CDK12: variants seen among roughly 807,000 people sequenced by gnomAD.
The protein encoded by CDK12 is cyclin-dependent kinase 12.
CDK12 carries 17 observed loss-of-function variants against 133.8 expected under a neutral mutation model. That is an observed-to-expected ratio of 0.13 (90% CI 0.09 to 0.19). The LOEUF is 0.19. Among genes scored for constraint, CDK12 ranks in the 10% least tolerant of loss-of-function variants. The pLI, the probability that CDK12 is intolerant of heterozygous loss-of-function variation, is 1.00. For missense variants in CDK12, 1,508 were observed against 1,818.7 expected (o/e 0.83, Z 3.11); for synonymous variants, 694 against 683.6 (o/e 1.02, Z -0.24).
At chr17:39,465,579 C>T (rs979130533) in intron 1 of CDK12, among the ~76,000 whole-genome samples, 3 of 151,808 alleles carry the variant, frequency 2.0e-5, no homozygotes, top group Non-Finnish European at 4.4e-5. Flanking sequence ...CTCTGCCTCT[C>T]GGGTTCAAGC....
At chr17:39,538,904 A>AATAAATAAATAC (rs778096927), downstream of CDK12, among the ~76,000 whole-genome samples, 8 of 144,886 alleles carry the variant, frequency 5.5e-5, no homozygotes, top group African/African-American at 1.3e-4. Flanking sequence ...ATCTCAAATA[A>AATAAATAAATAC]ATACATACAT....
At chr17:39,463,304 T>A (rs1010091185) in intron 1 of CDK12, among the ~76,000 whole-genome samples, 187 bp downstream of exon 1, 5 of 152,176 alleles carry the variant, frequency 3.3e-5, no homozygotes, top group African/African-American at 9.7e-5. Flanking sequence ...GAAGAGTACA[T>A]AGGCCTCAAA....
intron 1 of CDK12, among the ~76,000 whole-genome samples, chr17:39,542,159 A>ATGTG (rs1555584182): frequency 2.2e-5 from 2 of 89,858 alleles, no homozygotes; most frequent in African/African-American, 6.0e-5. Flanking sequence ...ACATATATAT[A>ATGTG]TGTGTGTGTG....
chr17:39,526,358 T>C, intron 13 of CDK12, 42 bp downstream of exon 13: 1 of 1,423,250 alleles, frequency 7.0e-7, no homozygotes, highest in Non-Finnish European at 9.5e-7. Flanking sequence ...TCAGGTGCTG[T>C]TGATACCCTC....
At chr17:39,483,802 G>A (rs2050911769) in intron 2 of CDK12, among the ~76,000 whole-genome samples, 1 of 151,176 alleles carries the variant, frequency 6.6e-6, no homozygotes, top group Admixed American at 6.6e-5. Context: ...GTACAGGCGT[G>A]AGCCACCACC....
intron 2 of CDK12, among the ~76,000 whole-genome samples, chr17:39,487,607 A>ATTT (rs887590343): frequency 3.1e-4 from 30 of 96,364 alleles, no homozygotes; most frequent in Non-Finnish European, 4.1e-4. Flanking sequence ...GCATGACACA[A>ATTT]TTTTTTTTTT....
At chr17:39,479,073 C>G (rs1185698350) in intron 2 of CDK12, among the ~76,000 whole-genome samples, 2 of 152,026 alleles carry the variant, frequency 1.3e-5, no homozygotes, top group Admixed American at 1.3e-4. Context: ...CTTTGGAAGG[C>G]TGAGGCGGGC....
Position 39,521,223 on chromosome 17 carries a change from C to T in CDK12, c.3095+1136C>T, listed in dbSNP as rs926576833. Among the ~76,000 whole-genome samples the T allele has an allele frequency of 7.9e-5, 12 of 152,066 alleles. 1 individual carries two copies. Among genetic ancestry groups the T allele is most frequent in the Admixed American group, 5.9e-4 (9 of 15,262 alleles). On this transcript the variant is annotated intron_variant, in intron 11 of 13. Coordinates refer to ENST00000447079, the MANE Select transcript of CDK12 (RefSeq NM_016507.4). ...CTTGAACTCCTGCCCATCTTGGCCT[C>T]TCAAAGTGCTGGGATCACAGGTGTG...
In CDK12 at chr17:39,524,786, A is replaced by G. The variant is rs777282469; in HGVS notation, c.3208A>G (p.Thr1070Ala). 7 of 1,614,128 alleles carry G rather than the reference A, an allele frequency of 4.3e-6. No individual in the cohort carries two copies. The highest frequency in any genetic ancestry group is 2.2e-5 in the East Asian group (1 of 44,900). The change falls in exon 12 of 14, where the codon ACT becomes GCT. Residue 1070 changes from threonine to alanine, a missense_variant. Physicochemically the swap from Thr to Ala is moderately conservative, Grantham distance 58. Around this residue, in one of 9 missense-constraint regions of CDK12, gnomAD observed 399 missense variants for 469.6 expected, o/e 0.85. Coordinates refer to ENST00000447079, the MANE Select transcript of CDK12 (RefSeq NM_016507.4). ...PPPSKTSRKETTSGTSTEPVK... is the reference protein window; with the variant it reads ...PPPSKTSRKEATSGTSTEPVK... ...TCCATCCAAAACTTCTCGAAAAGAA[A>G]CTACCTCAGGGACAAGTACTGAGCC... is the stretch of plus-strand genomic sequence containing the variant.
intron 5 of CDK12, 87 bp from the exon 6 acceptor site, chr17:39,501,163 C>G (rs1267951266): frequency 1.0e-6 from 1 of 958,944 alleles, no homozygotes; most frequent in East Asian, 2.7e-5. Flanking sequence ...CTGTGGTCAA[C>G]TCCAAAATTA....
At chr17:39,537,473 A>G (rs1011120074), downstream of CDK12, among the ~76,000 whole-genome samples, 3 of 152,168 alleles carry the variant, frequency 2.0e-5, no homozygotes, top group Admixed American at 6.5e-5. Context: ...GGTGGAAATA[A>G]GGGTAAGAAG....
chr17:39,492,951 T>G lies in CDK12; in HGVS notation c.2248+61T>G, dbSNP rs183044185. The G allele has an allele frequency of 5.3e-5, 72 of 1,367,696 alleles. No homozygotes were observed. The African/African-American group carries it at 8.7e-4, about 16-fold the overall frequency. 84.7% of individuals were successfully genotyped at this position (1,367,696 alleles called of 1,614,324 possible). A position where few individuals can be genotyped will look rare whatever the true frequency, so the allele number is the denominator to read the frequency against. ...TTAACAATTTAGCAATACTAATATC[T>G]TAAGTGGATTTAGCAAAAGTAAATT... is the stretch of plus-strand genomic sequence containing the variant. On this transcript the variant is annotated intron_variant, in intron 4 of 13. Transcript: ENST00000447079.
chr17:39,508,387 G>A (rs2053268621), intron 6 of CDK12, among the ~76,000 whole-genome samples: 1 of 152,090 alleles, frequency 6.6e-6, no homozygotes, highest in Non-Finnish European at 1.5e-5. Context: ...CAGGTTACAT[G>A]AATTTAGATA....
At chr17:39,555,410 C>T (rs1047075953) in intron 2 of CDK12, among the ~76,000 whole-genome samples, 1 of 151,792 alleles carries the variant, frequency 6.6e-6, no homozygotes, top group African/African-American at 2.4e-5. Context: ...GGATGAGGGA[C>T]CTCTGCCCAC....
chr17:39,466,988 TA>T (rs2049380613), intron 1 of CDK12, among the ~76,000 whole-genome samples: 1 of 152,058 alleles, frequency 6.6e-6, no homozygotes, highest in Non-Finnish European at 1.5e-5. Flanking sequence ...TATTTTATTT[TA>T]TTTTTTTAAT....
chr17:39,474,888 C>T (rs143623972), intron 2 of CDK12, among the ~76,000 whole-genome samples: 77 of 145,624 alleles, frequency 5.3e-4, no homozygotes, highest in African/African-American at 1.9e-3. Flanking sequence ...GGCTGGAGTG[C>T]AATGGCGCGA....
intron 1 of CDK12, among the ~76,000 whole-genome samples, chr17:39,470,133 C>T (rs200748619): frequency 1.1e-4 from 16 of 148,412 alleles, no homozygotes; most frequent in African/African-American, 4.0e-4. Flanking sequence ...TTAGTTTAAT[C>T]TATTTTTTTT....
upstream of CDK12, among the ~76,000 whole-genome samples, chr17:39,547,129 ATTTTTTTTTT>A (rs34569985): frequency 6.6e-5 from 6 of 90,610 alleles, no homozygotes; most frequent in Non-Finnish European, 8.3e-5. Context: ...GAGTACTAGG[ATTTTTTTTTT>A]TTTTTTTTTT....
rs1207871925 is a variant in CDK12 at position 39,490,469 on chromosome 17, T to C, written c.1932-88T>C. ...CTTAAAAATTAGATCTTTCTAACCT[T>C]TTCGTAACCAGGCATTATGATCTTT... On this transcript the variant is annotated intron_variant, in intron 2 of 13. Coordinates refer to ENST00000447079, the MANE Select transcript of CDK12 (RefSeq NM_016507.4). 6.9e-6 allele frequency: 6 copies of C among 864,064 alleles called. No homozygotes were observed. In the East Asian group the frequency reaches 1.6e-4, roughly 23 times the overall value. The allele number at this position is 864,064 out of a possible 1,614,324, so 53.5% of individuals were successfully genotyped here. A position where few individuals can be genotyped will look rare whatever the true frequency, so the allele number is the denominator to read the frequency against.
Sources: allele counts gnomAD v4.1 joint callset (sites outside exome capture counted in the v4.1 genomes callset), GRCh38; gene constraint gnomAD v4.1.1; regional missense constraint gnomAD v4.1.1; transcripts MANE v1.5; gene names NCBI Gene and HGNC (gene_info 2026-07-23, HGNC 2026-07-21).